Variants in E2F2 observed in about 807,000 individuals in gnomAD.
The protein encoded by E2F2 is E2F transcription factor 2, also known as transcription factor E2F2.
A neutral mutation model predicts 42.2 loss-of-function variants in E2F2; 22 were observed. The observed-to-expected ratio is 0.52, with a 90% CI of 0.37 to 0.74. E2F2 has a LOEUF of 0.74. Among genes scored for constraint, E2F2 ranks in the 30% least tolerant of loss-of-function variants. The pLI is 0.00. For synonymous variants in E2F2, 248 were observed against 251.6 expected, an observed-to-expected ratio of 0.99 and a Z score of 0.13; for missense variants, 481 against 557.8, an observed-to-expected ratio of 0.86 and a Z score of 1.39.
At chr1:23,527,693 C>T (rs989906724) in intron 1 of E2F2, among the ~76,000 whole-genome samples, 1 of 152,234 alleles carries the variant, frequency 6.6e-6, no homozygotes, top group East Asian at 1.9e-4. Flanking sequence ...TTTCAGATCC[C>T]AGCTCTGCCA....
At chr1:23,528,658 G>A (rs1643288887) in intron 1 of E2F2, among the ~76,000 whole-genome samples, 1 of 152,174 alleles carries the variant, frequency 6.6e-6, no homozygotes, top group Admixed American at 6.5e-5. Flanking sequence ...TCTGGCACAC[G>A]AGAGGCACTC....
In E2F2 at chr1:23,509,639, G is replaced by T; in HGVS notation, c.*241C>A. 1 of 655,358 alleles carries T rather than the reference G, an allele frequency of 1.5e-6. No homozygotes were observed. The highest frequency in any genetic ancestry group is 3.9e-5 in the East Asian group (1 of 25,654). 40.6% of individuals were successfully genotyped at this position (655,358 alleles called of 1,614,324 possible). Reference sequence around the variant, plus strand: ...TGAGAGGTCAGAAGTCAGAAGACTGGATGGGCCTCCCTAGGCCCAGCTTCC... The same window carrying T: ...TGAGAGGTCAGAAGTCAGAAGACTGTATGGGCCTCCCTAGGCCCAGCTTCC... On this transcript the variant is annotated 3_prime_UTR_variant, in exon 7 of 7. Coordinates refer to ENST00000361729, the MANE Select transcript of E2F2 (RefSeq NM_004091.4).
chr1:23,522,096 A>G (rs764094564), intron 2 of E2F2, 40 bp from the exon 3 acceptor site: 3 of 1,597,542 alleles, frequency 1.9e-6, no homozygotes, highest in Non-Finnish European at 2.6e-6. Context: ...CAGGGAGGGG[A>G]GGGCCCGCCC....
chr1:23,521,653 A>AC (rs1469842907), intron 3 of E2F2, 184 bp downstream of exon 3: 1 of 985,212 alleles, frequency 1.0e-6, no homozygotes. Flanking sequence ...TCCTCACCAT[A>AC]CATTGGCTCT....
chr1:23,509,729 G>T lies in E2F2; in HGVS notation c.*151C>A. The T allele has an allele frequency of 7.2e-7, 1 of 1,381,648 alleles. No individual in the cohort carries two copies. Among genetic ancestry groups the T allele is most frequent in the Non-Finnish European group, 9.5e-7 (1 of 1,056,162 alleles). The allele number at this position is 1,381,648 out of a possible 1,614,324, so 85.6% of individuals were successfully genotyped here. On this transcript the variant is annotated 3_prime_UTR_variant, in exon 7 of 7. Transcript: ENST00000361729. The stretch of plus-strand genomic sequence containing the variant: ...CGTACCATTCATATCTCCCCACACA[G>T]CTTCTGCCGGCTGGGGCAGGAAAGG...
chr1:23,517,415 G>A (rs1013258533), intron 5 of E2F2, among the ~76,000 whole-genome samples: 1 of 152,168 alleles, frequency 6.6e-6, no homozygotes, highest in Non-Finnish European at 1.5e-5. Flanking sequence ...CCCCACCTGG[G>A]ATACCTCCTC....
rs1642829512 is a variant in E2F2, at chr1:23,507,761, C to T, written c.*2119G>A. 1 of 152,298 alleles carries T rather than the reference C, an allele frequency of 6.6e-6. No homozygotes were observed. The highest frequency in any genetic ancestry group is 2.1e-4 in the South Asian group (1 of 4,840). 9.4% of individuals were successfully genotyped at this position (152,298 alleles called of 1,614,324 possible). On this transcript the variant is annotated 3_prime_UTR_variant, in exon 7 of 7. Coordinates refer to ENST00000361729, the MANE Select transcript of E2F2 (RefSeq NM_004091.4). ...ACGGGGCACAAGCCTGAAGGCAGCT[C>T]CCCTGACCAGCCATATGGAGAGGCC... is the stretch of plus-strand genomic sequence containing the variant.
chr1:23,523,705 A>T (rs1558252779), intron 2 of E2F2, among the ~76,000 whole-genome samples: 1 of 152,232 alleles, frequency 6.6e-6, no homozygotes, highest in Non-Finnish European at 1.5e-5. Flanking sequence ...AAAACGTTTT[A>T]AAAATAATAA....
At chr1:23,522,468 C>T (rs879634658) in intron 2 of E2F2, among the ~76,000 whole-genome samples, 9 of 152,298 alleles carry the variant, frequency 5.9e-5, no homozygotes, top group South Asian at 2.1e-4. Context: ...TACTGAGGCA[C>T]AGTTTAAGTA....
chr1:23,512,077 A>T (rs989123023), intron 6 of E2F2, among the ~76,000 whole-genome samples: 16 of 152,268 alleles, frequency 1.1e-4, no homozygotes, highest in African/African-American at 3.4e-4. Context: ...AGGCATCTGT[A>T]ATCCCAGTTA....
intron 1 of E2F2, among the ~76,000 whole-genome samples, chr1:23,528,364 C>T (rs1643283385): frequency 6.6e-6 from 1 of 152,182 alleles, no homozygotes; most frequent in South Asian, 2.1e-4. Context: ...GCGGCCACAC[C>T]CAGGGTTGGG....
chr1:23,519,585 C>T (rs1211310359), intron 4 of E2F2, among the ~76,000 whole-genome samples: 10 of 152,184 alleles, frequency 6.6e-5, no homozygotes, highest in Admixed American at 6.5e-4. Flanking sequence ...CATTTCAATC[C>T]TAGGGATCTG....
intron 6 of E2F2, 126 bp from the exon 7 acceptor site, chr1:23,510,274 GT>G: frequency 1.4e-6 from 2 of 1,393,888 alleles, no homozygotes; most frequent in South Asian, 1.6e-5. Context: ...GTGGACTGTC[GT>G]GCTCTCAAAA....
intron 6 of E2F2, among the ~76,000 whole-genome samples, chr1:23,512,241 G>C (rs1465405229): frequency 6.6e-6 from 1 of 152,000 alleles, no homozygotes; most frequent in Non-Finnish European, 1.5e-5. Context: ...AAATAAATAA[G>C]CACTGGTTTG....
rs552752216 is a variant in E2F2 at position 23,510,218 on chromosome 1, C to T, written c.1046-70G>A. On this transcript the variant is annotated intron_variant, in intron 6 of 6. Transcript: ENST00000361729. Reference sequence around the variant, plus strand: ...CTCCTCAGCACGCGAGGACAGACTTCCGGTTCTCTGGATGACTGCACCCTT... The same window carrying T: ...CTCCTCAGCACGCGAGGACAGACTTTCGGTTCTCTGGATGACTGCACCCTT... 14 of 1,452,558 alleles carry T rather than the reference C, an allele frequency of 9.6e-6. No homozygotes were observed. The South Asian group carries it at 1.6e-4, about 17-fold the overall frequency. 90.0% of individuals were successfully genotyped at this position (1,452,558 alleles called of 1,614,324 possible).
chr1:23,509,915 C>T lies in E2F2; in HGVS notation c.1279G>A (p.Asp427Asn), dbSNP rs143218447. The T allele has an allele frequency of 1.7e-4, 274 of 1,588,818 alleles. No homozygotes were observed. The highest frequency in any genetic ancestry group is 2.2e-4 in the Non-Finnish European group (262 of 1,166,006). The stretch of plus-strand genomic sequence containing the variant: ...AACAGGTCCCCAAGGTCGTAGGAGT[C>T]GAAGAGATCGCTGATGCCCTCACCC... ...EAGEGISDLF[D>N]SYDLGDLLIN is the part of the protein sequence containing the mutation. Residue 427 changes from aspartate to asparagine, a missense_variant, in exon 7 of 7, where the codon GAC (aspartate) becomes AAC (asparagine). Transcript: ENST00000361729.
downstream of E2F2, among the ~76,000 whole-genome samples, chr1:23,506,193 A>G (rs1642792239): frequency 6.6e-6 from 1 of 152,134 alleles, no homozygotes; most frequent in Non-Finnish European, 1.5e-5. Context: ...AAGCTGTGGA[A>G]ATAGATGGGG....
In E2F2 at chr1:23,529,759, TC is replaced by T. The variant is rs778723576; in HGVS notation, c.252+782del. ...ACCAGGCTCCTCAACCACCACCACC[TC>T]CACTCCCCCAGGCTTTTCCCACTCC... On this transcript the variant is annotated intron_variant, in intron 1 of 6. Coordinates refer to ENST00000361729, the MANE Select transcript of E2F2 (RefSeq NM_004091.4). Among the ~76,000 whole-genome samples the T allele has an allele frequency of 2.2e-4, 34 of 152,064 alleles. 1 individual carries two copies. The highest frequency in any genetic ancestry group is 8.5e-4 in the Admixed American group (13 of 15,278).
At chr1:23,529,936 G>A (rs561110189) in intron 1 of E2F2, among the ~76,000 whole-genome samples, 1 of 152,334 alleles carries the variant, frequency 6.6e-6, no homozygotes, top group East Asian at 1.9e-4. Flanking sequence ...GGAGAGAGCA[G>A]CCAATCTGAA....
Sources: gnomAD v4.1 joint callset for allele counts (sites outside exome capture counted in the v4.1 genomes callset) on GRCh38, gnomAD v4.1.1 for gene constraint, MANE v1.5 for transcripts, NCBI Gene and HGNC (gene_info 2026-07-23, HGNC 2026-07-21) for gene names.